The following THSD7B variants were observed in gnomAD, a reference collection of about 807,000 sequenced individuals.
THSD7B encodes the protein thrombospondin type-1 domain-containing protein 7B.
A neutral mutation model predicts 213.6 loss-of-function variants in THSD7B; 138 were observed. That is an observed-to-expected ratio of 0.65 (90% CI 0.56 to 0.74). The LOEUF is 0.74. Among genes scored for constraint, THSD7B ranks in the 30% least tolerant of loss-of-function variants. THSD7B has a pLI of 0.00. For missense variants in THSD7B, 1,931 were observed against 1,991.5 expected, an observed-to-expected ratio of 0.97 and a Z score of 0.58; for synonymous variants, 742 against 687.0, an observed-to-expected ratio of 1.08 and a Z score of -1.25.
chr2:137,385,593 C>T (rs994424384), intron 12 of THSD7B, among the ~76,000 whole-genome samples: 6 of 152,102 alleles, frequency 3.9e-5, no homozygotes, highest in South Asian at 2.1e-4. Context: ...AAGCTTGCAC[C>T]GTCTATGTGT....
rs376770053 is a variant in THSD7B, at chr2:137,493,122, C to CAAAAA, written c.3138+42121_3138+42125dup. ...GGCAACAGAGTGACACTCTCTCTCTCAAAAAAAAAAAAAAAAAAAAAAAAA... is the reference window on the plus strand; with the variant it reads ...GGCAACAGAGTGACACTCTCTCTCTCAAAAAAAAAAAAAAAAAAAAAAAAAAAAAA... On this transcript the variant is annotated intron_variant, in intron 15 of 27. Transcript: ENST00000409968. Among the ~76,000 whole-genome samples the CAAAAA allele has an allele frequency of 2.4e-3, 105 of 44,202 alleles. 15 individuals carry two copies. Among genetic ancestry groups the CAAAAA allele is most frequent in the Middle Eastern group, 0.048 (2 of 42 alleles). The allele number at this position is 44,202 out of a possible 152,430, so 29.0% of individuals were successfully genotyped here.
At chr2:137,613,782 A>G (rs1682330727) in intron 17 of THSD7B, among the ~76,000 whole-genome samples, 1 of 152,152 alleles carries the variant, frequency 6.6e-6, no homozygotes, top group African/African-American at 2.4e-5. Context: ...AGATAGATGT[A>G]AACATCCTTT....
At chr2:137,175,527 A>T (rs565870734) in intron 7 of THSD7B, among the ~76,000 whole-genome samples, 1 of 152,326 alleles carries the variant, frequency 6.6e-6, no homozygotes, top group Non-Finnish European at 1.5e-5. Context: ...CAAGCTGTGT[A>T]TATATTTGCA....
At chr2:136,844,949 T>G (rs774707820) in intron 1 of THSD7B, among the ~76,000 whole-genome samples, 6 of 152,254 alleles carry the variant, frequency 3.9e-5, no homozygotes, top group Non-Finnish European at 2.9e-5. Context: ...CTTTTTCTGC[T>G]CACTTCACCC....
chr2:137,453,264 G>C (rs528205177), intron 15 of THSD7B, among the ~76,000 whole-genome samples: 4 of 151,190 alleles, frequency 2.6e-5, no homozygotes, highest in Admixed American at 6.6e-5. Flanking sequence ...ATTAAATCAG[G>C]CTAGTTAACA....
chr2:137,529,709 G>A (rs1257389320), intron 15 of THSD7B, among the ~76,000 whole-genome samples: 1 of 151,372 alleles, frequency 6.6e-6, no homozygotes, highest in Non-Finnish European at 1.5e-5. Context: ...ATAAGATTAT[G>A]GTTAAAAAAA....
intron 12 of THSD7B, among the ~76,000 whole-genome samples, chr2:137,287,205 A>G (rs1469362912): frequency 2.6e-5 from 4 of 152,156 alleles, no homozygotes; most frequent in Non-Finnish European, 4.4e-5. Flanking sequence ...ATGATGGATT[A>G]TAAATATTTT....
chr2:137,453,237 G>T (rs1687687149), intron 15 of THSD7B, among the ~76,000 whole-genome samples: 1 of 150,760 alleles, frequency 6.6e-6, no homozygotes, highest in Non-Finnish European at 1.5e-5. Flanking sequence ...TGTAATTTAT[G>T]AATACAGTGT....
intron 26 of THSD7B, among the ~76,000 whole-genome samples, chr2:137,664,666 G>A (rs980066409): frequency 6.6e-6 from 1 of 152,166 alleles, no homozygotes; most frequent in African/African-American, 2.4e-5. Flanking sequence ...GGCAGTGCAG[G>A]TTAATTTTAT....
chr2:137,642,483 T>G lies in THSD7B; in HGVS notation c.3800-5T>G. 6.2e-7 allele frequency: 1 copy of G among 1,613,518 alleles called. No individual in the cohort carries two copies. Among genetic ancestry groups the G allele is most frequent in the African/African-American group, 1.3e-5 (1 of 74,998 alleles). ...GAAAAGCTGACACCTCCCTTATCATTTTAGGTCGAATGAGCCGGACTCGAT... is the reference window on the plus strand; with the variant it reads ...GAAAAGCTGACACCTCCCTTATCATGTTAGGTCGAATGAGCCGGACTCGAT... On this transcript the variant is annotated splice_polypyrimidine_tract_variant and splice_region_variant and intron_variant, in intron 20 of 27. Transcript: ENST00000409968.
intron 24 of THSD7B, among the ~76,000 whole-genome samples, chr2:137,658,215 C>T (rs1432835164): frequency 6.6e-6 from 1 of 152,168 alleles, no homozygotes; most frequent in Non-Finnish European, 1.5e-5. Context: ...AAATAATTTA[C>T]TTTAAGCTAC....
intron 2 of THSD7B, among the ~76,000 whole-genome samples, chr2:136,992,363 C>A (rs1442812821): frequency 6.6e-6 from 1 of 152,180 alleles, no homozygotes; most frequent in Non-Finnish European, 1.5e-5. Flanking sequence ...CCATGGGAAC[C>A]AATTTAGATA....
At chr2:137,446,417 G>C (rs1320491841) in intron 14 of THSD7B, among the ~76,000 whole-genome samples, 1 of 152,014 alleles carries the variant, frequency 6.6e-6, no homozygotes, top group Non-Finnish European at 1.5e-5. Context: ...TTCATTCCAA[G>C]TCTCTGGGCT....
At chr2:137,419,668 T>C (rs945172297) in intron 14 of THSD7B, among the ~76,000 whole-genome samples, 1 of 151,720 alleles carries the variant, frequency 6.6e-6, no homozygotes. Flanking sequence ...GGTAGGTATA[T>C]GTAAAATAGG....
intron 3 of THSD7B, among the ~76,000 whole-genome samples, chr2:137,092,651 G>A (rs1446260086): frequency 1.3e-5 from 2 of 151,444 alleles, no homozygotes; most frequent in East Asian, 3.9e-4. Flanking sequence ...TTCTTTTTTT[G>A]TTTTTTTGAG....
At chr2:137,289,746 C>T (rs1446734380) in intron 12 of THSD7B, among the ~76,000 whole-genome samples, 2 of 151,494 alleles carry the variant, frequency 1.3e-5, no homozygotes, top group Non-Finnish European at 2.9e-5. Context: ...CTTTAAAACT[C>T]AGGGTTCAAA....
chr2:137,571,281 T>G (rs1303537075), intron 16 of THSD7B, among the ~76,000 whole-genome samples: 1 of 152,232 alleles, frequency 6.6e-6, no homozygotes, highest in Non-Finnish European at 1.5e-5. Context: ...ATTCTTTCAT[T>G]CATTCTCATC....
intron 1 of THSD7B, among the ~76,000 whole-genome samples, chr2:136,857,095 A>G (rs1462138008): frequency 6.6e-6 from 1 of 152,218 alleles, no homozygotes; most frequent in African/African-American, 2.4e-5. Flanking sequence ...CTACAATATC[A>G]GGAACATGAC....
At chr2:137,012,173 G>A (rs1437573673) in intron 2 of THSD7B, among the ~76,000 whole-genome samples, 2 of 152,130 alleles carry the variant, frequency 1.3e-5, no homozygotes, top group Non-Finnish European at 2.9e-5. Flanking sequence ...TAATTCAATT[G>A]TAACTAATAC....
Sources: allele counts gnomAD v4.1 joint callset (sites outside exome capture counted in the v4.1 genomes callset), GRCh38; gene constraint gnomAD v4.1.1; transcripts MANE v1.5; gene names NCBI Gene and HGNC (gene_info 2026-07-23, HGNC 2026-07-21).